Variants in OSBPL10 observed in about 807,000 individuals in gnomAD.
OSBPL10 encodes the protein oxysterol binding protein like 10, also known as oxysterol-binding protein-related protein 10.
OSBPL10 carries 49 observed loss-of-function variants against 81.7 expected under a neutral mutation model. The observed-to-expected ratio is 0.60, with a 90% CI of 0.48 to 0.76. The LOEUF (loss-of-function observed/expected upper bound fraction) is 0.76. Ranked by LOEUF, OSBPL10 falls within the 30% of genes least tolerant of loss-of-function variation. The probability of loss-of-function intolerance (pLI) is 0.00; values close to 1 mark genes in which losing one functional copy is unlikely to be tolerated. For synonymous variants in OSBPL10, 419 were observed against 383.6 expected, an observed-to-expected ratio of 1.09 and a Z score of -1.08; for missense variants, 923 against 987.8, an observed-to-expected ratio of 0.93 and a Z score of 0.88.
intron 4 of OSBPL10, among the ~76,000 whole-genome samples, chr3:31,817,107 C>G (rs914525582): frequency 5.9e-5 from 9 of 152,298 alleles, no homozygotes; most frequent in African/African-American, 2.2e-4. Context: ...TACATGCCAA[C>G]TGGTCCATGG....
At chr3:32,071,210 C>A (rs1311247596) in intron 1 of OSBPL10, among the ~76,000 whole-genome samples, 1 of 152,140 alleles carries the variant, frequency 6.6e-6, no homozygotes, top group African/African-American at 2.4e-5. Context: ...GCTCTCCCTG[C>A]CAATTGGGTC....
intron 4 of OSBPL10, among the ~76,000 whole-genome samples, chr3:31,804,893 C>T (rs1327013884): frequency 6.6e-6 from 1 of 152,094 alleles, no homozygotes. Flanking sequence ...GGTCAAGGTC[C>T]TTACTTTGTG....
At chr3:31,813,763 C>G (rs1403247108) in intron 4 of OSBPL10, among the ~76,000 whole-genome samples, 1 of 152,134 alleles carries the variant, frequency 6.6e-6, no homozygotes, top group Non-Finnish European at 1.5e-5. Flanking sequence ...CTGCCATGAG[C>G]CTGAGCATGT....
At chr3:31,972,807 A>G (rs1379677470) in intron 1 of OSBPL10, among the ~76,000 whole-genome samples, 3 of 152,202 alleles carry the variant, frequency 2.0e-5, no homozygotes, top group Non-Finnish European at 4.4e-5. Context: ...ATAGAAAGGG[A>G]CTAAACCACA....
At chr3:31,797,215 G>A (rs780033273) in intron 4 of OSBPL10, among the ~76,000 whole-genome samples, 3 of 151,918 alleles carry the variant, frequency 2.0e-5, no homozygotes, top group Non-Finnish European at 4.4e-5. Flanking sequence ...GGATGGTCTC[G>A]ATCTCCTGAC....
intron 4 of OSBPL10, among the ~76,000 whole-genome samples, chr3:31,775,375 G>A (rs1698521617): frequency 6.6e-6 from 1 of 152,096 alleles, no homozygotes; most frequent in Admixed American, 6.6e-5. Context: ...AGGGGAAAGA[G>A]GATAGGACTC....
chr3:31,880,183 T>C (rs989056028), intron 1 of OSBPL10, among the ~76,000 whole-genome samples: 5 of 152,208 alleles, frequency 3.3e-5, no homozygotes, highest in Non-Finnish European at 7.3e-5. Flanking sequence ...ATGCTCCACA[T>C]GAATTCACAG....
chr3:32,005,582 T>A (rs534602224), intron 2 of OSBPL10, among the ~76,000 whole-genome samples: 2 of 151,830 alleles, frequency 1.3e-5, no homozygotes, highest in Non-Finnish European at 1.5e-5. Flanking sequence ...ATGTTTTGGG[T>A]TTTTTTTGTT....
chr3:31,939,381 G>C (rs1697474946), intron 1 of OSBPL10, among the ~76,000 whole-genome samples: 1 of 151,096 alleles, frequency 6.6e-6, no homozygotes, highest in Non-Finnish European at 1.5e-5. Flanking sequence ...CTGACCTTGT[G>C]ACCTACCCGC....
chr3:31,881,070 C>G (rs1338838007), intron 1 of OSBPL10, among the ~76,000 whole-genome samples: 1 of 152,218 alleles, frequency 6.6e-6, no homozygotes, highest in Non-Finnish European at 1.5e-5. Flanking sequence ...GTGTCAAGTT[C>G]TCCTGACCGG....
chr3:31,683,626 T>A lies in OSBPL10; in HGVS notation c.1726+8A>T. 6.2e-7 allele frequency: 1 copy of A among 1,603,966 alleles called. No individual in the cohort carries two copies. The highest frequency in any genetic ancestry group is 8.5e-7 in the Non-Finnish European group (1 of 1,171,908). On this transcript the variant is annotated splice_region_variant and intron_variant, in intron 8 of 11. Transcript: ENST00000396556. ...AAGAGCCAAACTCCAACATACGACA[T>A]GGCTTACCTTCCCCTATCATAGAGA...
rs974840022 is a variant in OSBPL10 at position 31,771,078 on chromosome 3, G to C, written c.730-22958C>G. 3.3e-5 allele frequency among the ~76,000 whole-genome samples: 5 copies of C among 152,170 alleles called. No individual in the cohort carries two copies. The East Asian group carries it at 5.8e-4, about 18-fold the overall frequency. ...ATCACATAGGCTTATCATGAGGAAT[G>C]AATCAGTCCATATACGTGAATCACT... is the stretch of plus-strand genomic sequence containing the variant. On this transcript the variant is annotated intron_variant, in intron 4 of 11. Transcript: ENST00000396556.
rs147209059 is a variant in OSBPL10 at position 31,714,091 on chromosome 3, T to C, written c.1096-11583A>G. On this transcript the variant is annotated intron_variant, in intron 6 of 11. Transcript: ENST00000396556. ...GAATGGTTGGTTAAGTAAGCAACGATATGATTGCACACAGAGGGGATGGGG... is the reference window on the plus strand; with the variant it reads ...GAATGGTTGGTTAAGTAAGCAACGACATGATTGCACACAGAGGGGATGGGG... The C allele has an allele frequency of 5.6e-3, 852 of 152,276 alleles. 7 individuals are homozygous for C. Among genetic ancestry groups the C allele is most frequent in the Non-Finnish European group, 6.5e-3 (441 of 68,050 alleles). 9.4% of individuals were successfully genotyped at this position (152,276 alleles called of 1,614,324 possible).
intron 1 of OSBPL10, among the ~76,000 whole-genome samples, chr3:32,049,203 T>C (rs1187459544): frequency 6.6e-6 from 1 of 152,212 alleles, no homozygotes; most frequent in African/African-American, 2.4e-5. Flanking sequence ...ACTTTATTCC[T>C]TTACTTTCCT....
At chr3:32,011,950 AC>A (rs1399567935) in intron 2 of OSBPL10, among the ~76,000 whole-genome samples, 1 of 152,226 alleles carries the variant, frequency 6.6e-6, no homozygotes, top group Non-Finnish European at 1.5e-5. Context: ...ATGTGAAAAG[AC>A]CGAATCTACA....
intron 3 of OSBPL10, among the ~76,000 whole-genome samples, chr3:31,846,934 G>T (rs1700649042): frequency 6.6e-6 from 1 of 152,030 alleles, no homozygotes; most frequent in Non-Finnish European, 1.5e-5. Context: ...CCAAGATCCA[G>T]CCTTCTGTTG....
chr3:31,921,460 TG>T (rs2125706682), intron 1 of OSBPL10, among the ~76,000 whole-genome samples: 1 of 152,220 alleles, frequency 6.6e-6, no homozygotes, highest in South Asian at 2.1e-4. Flanking sequence ...CCCACAATGA[TG>T]GGGGTATGTC....
At chr3:31,665,594 A>T (rs1024090555) in intron 10 of OSBPL10, among the ~76,000 whole-genome samples, 1 of 152,150 alleles carries the variant, frequency 6.6e-6, no homozygotes, top group African/African-American at 2.4e-5. Context: ...CTGCACACAC[A>T]CAAGAAAACT....
intron 3 of OSBPL10, among the ~76,000 whole-genome samples, chr3:31,849,483 C>T (rs1700707795): frequency 6.6e-6 from 1 of 152,100 alleles, no homozygotes; most frequent in Non-Finnish European, 1.5e-5. Context: ...CCTCCTGGTC[C>T]TGCCTGTGTG....
Sources: allele counts gnomAD v4.1 joint callset (sites outside exome capture counted in the v4.1 genomes callset), GRCh38; gene constraint gnomAD v4.1.1; transcripts MANE v1.5; gene names NCBI Gene and HGNC (gene_info 2026-07-23, HGNC 2026-07-21).